Variants in CELSR1 observed in about 807,000 individuals in gnomAD.
CELSR1 encodes adhesion G protein-coupled receptor C1.
Under a neutral mutation model 249.1 loss-of-function variants are expected in CELSR1, and 110 were observed. The observed-to-expected ratio is 0.44, with a 90% CI of 0.38 to 0.52. The LOEUF is 0.52. Ranked by LOEUF, CELSR1 falls within the 20% of genes least tolerant of loss-of-function variation. The probability of loss-of-function intolerance (pLI) is 0.00; values close to 1 mark genes in which losing one functional copy is unlikely to be tolerated. For synonymous variants in CELSR1, 2,113 were observed against 1,900.0 expected, an observed-to-expected ratio of 1.11 and a Z score of -2.92; for missense variants, 4,109 against 4,296.4, an observed-to-expected ratio of 0.96 and a Z score of 1.22.
At position 46,406,714 on chromosome 22, in the gene CELSR1, G is replaced by T. The variant is rs9306513; in HGVS notation, c.5226+2282C>A. 0.065 allele frequency among the ~76,000 whole-genome samples: 9,964 copies of T among 152,256 alleles called. 1,002 individuals are homozygous for T. Among genetic ancestry groups the T allele is most frequent in the African/African-American group, 0.22 (9,093 of 41,502 alleles). ...GTGGCTGTCCCAGGAACCTGGGCAG[G>T]AAAAGAACCATAGGGTCCCTAGTGA... is the stretch of plus-strand genomic sequence containing the variant. On this transcript the variant is annotated intron_variant, in intron 9 of 34. Coordinates refer to ENST00000674500, the MANE Select transcript of CELSR1 (RefSeq NM_001378328.1). The surrounding 1 kb of genome is among the most constrained non-coding windows in gnomAD (Gnocchi z 5.4).
intron 23 of CELSR1, 56 bp downstream of exon 23, chr22:46,378,535 A>C: frequency 6.9e-7 from 1 of 1,457,104 alleles, no homozygotes. Context: ...TTTGGGGGGG[A>C]GGGGCAGGTT....
intron 1 of CELSR1, among the ~76,000 whole-genome samples, chr22:46,515,033 A>G (rs1330637574): frequency 6.6e-6 from 1 of 152,156 alleles, no homozygotes; most frequent in Non-Finnish European, 1.5e-5. Context: ...AGCCCCTTCT[A>G]GAAAGCACCC....
chr22:46,420,038 ACACT>A (rs993971504), intron 5 of CELSR1, among the ~76,000 whole-genome samples: 1 of 150,828 alleles, frequency 6.6e-6, no homozygotes, highest in African/African-American at 2.5e-5. Flanking sequence ...ACCGACACTC[ACACT>A]CAAATGTGCA....
At chr22:46,516,570 C>G (rs1019277490) in intron 1 of CELSR1, among the ~76,000 whole-genome samples, 7 of 152,098 alleles carry the variant, frequency 4.6e-5, no homozygotes, top group African/African-American at 1.7e-4. Context: ...GAACTCCTGG[C>G]CTCAAGCAAG....
rs141243176 is a variant in CELSR1 at position 46,398,994 on chromosome 22, G to A, written c.5413-357C>T. Among the ~76,000 whole-genome samples, 356 of 152,324 alleles carry A rather than the reference G, an allele frequency of 2.3e-3. 2 individuals are homozygous for A. The highest frequency in any genetic ancestry group is 3.5e-3 in the Non-Finnish European group (239 of 68,020). ...GGAAGACTGCAGTGAACGGAAATCCGCTCACTCATTAACACTGTGGGAACC... is the reference window on the plus strand; with the variant it reads ...GGAAGACTGCAGTGAACGGAAATCCACTCACTCATTAACACTGTGGGAACC... On this transcript the variant is annotated intron_variant, in intron 10 of 34. Transcript: ENST00000674500. The surrounding 1 kb of genome is among the most constrained non-coding windows in gnomAD (Gnocchi z 7.2).
intron 2 of CELSR1, among the ~76,000 whole-genome samples, chr22:46,452,932 CCT>C (rs1225878924): frequency 1.3e-5 from 2 of 152,232 alleles, no homozygotes; most frequent in South Asian, 4.1e-4. Context: ...TTGGGCACAG[CCT>C]GGAAACAGCC....
rs1214597983 is a variant in CELSR1 at position 46,484,278 on chromosome 22, C to T, written c.3545-19933G>A. 3.3e-5 allele frequency among the ~76,000 whole-genome samples: 5 copies of T among 152,148 alleles called. No individual in the cohort carries two copies. The highest frequency in any genetic ancestry group is 1.9e-4 in the East Asian group (1 of 5,160). ...CCAGCTGCTCAGTCCCAAGCAAGAC[C>T]GCTGGGAGGGTCCTGCAGGGGACAG... On this transcript the variant is annotated intron_variant, in intron 1 of 34. Coordinates refer to ENST00000674500, the MANE Select transcript of CELSR1 (RefSeq NM_001378328.1). This position sits in a 1 kb window ranked among gnomAD's most constrained non-coding sequence, Gnocchi z 4.5.
chr22:46,426,115 C>T (rs1461729408), intron 5 of CELSR1, among the ~76,000 whole-genome samples: 2 of 90,700 alleles, frequency 2.2e-5, no homozygotes, highest in African/African-American at 8.3e-5. Context: ...CTGAGTGAGG[C>T]AGAGCAGCAA....
rs1473276344 is a variant in CELSR1, at chr22:46,362,710, G to C, written c.*513C>G. The C allele has an allele frequency of 5.8e-6, 1 of 171,276 alleles. No homozygotes were observed. The highest frequency in any genetic ancestry group is 1.3e-5 in the Non-Finnish European group (1 of 78,830). The allele number at this position is 171,276 out of a possible 1,614,324, so 10.6% of individuals were successfully genotyped here. ...CAGAGTCCCATACAAATATATAAAAGTATCTCCACCTTTCCCACATAGCGA... is the reference window on the plus strand; with the variant it reads ...CAGAGTCCCATACAAATATATAAAACTATCTCCACCTTTCCCACATAGCGA... On this transcript the variant is annotated 3_prime_UTR_variant, in exon 35 of 35. Transcript: ENST00000674500.
intron 1 of CELSR1, among the ~76,000 whole-genome samples, chr22:46,467,619 G>A (rs1037603664): frequency 9.9e-5 from 15 of 151,854 alleles, no homozygotes; most frequent in South Asian, 2.1e-4. Context: ...TCAGGAGATC[G>A]AGATCATCCT....
At chr22:46,516,719 C>T (rs2080631796) in intron 1 of CELSR1, among the ~76,000 whole-genome samples, 4 of 152,158 alleles carry the variant, frequency 2.6e-5, no homozygotes, top group African/African-American at 7.2e-5. Flanking sequence ...TGTTATGTGG[C>T]TCCTCCGGCC....
Position 46,448,290 on chromosome 22 carries a change from G to A in CELSR1, c.4184-8879C>T, listed in dbSNP as rs1027869541. Among the ~76,000 whole-genome samples, 14 of 152,194 alleles carry A rather than the reference G, an allele frequency of 9.2e-5. No homozygotes were observed. The highest frequency in any genetic ancestry group is 9.2e-4 in the Admixed American group (14 of 15,282). On this transcript the variant is annotated intron_variant, in intron 2 of 34. Coordinates refer to ENST00000674500, the MANE Select transcript of CELSR1 (RefSeq NM_001378328.1). This position sits in a 1 kb window ranked among gnomAD's most constrained non-coding sequence, Gnocchi z 5.7. Reference sequence around the variant, plus strand: ...AGGGAAGACAGAGGGCATGGGGGTGGGGGCAGAGGGCCCACGCGAGGGGAT... The same window carrying A: ...AGGGAAGACAGAGGGCATGGGGGTGAGGGCAGAGGGCCCACGCGAGGGGAT...
At position 46,441,279 on chromosome 22, in the gene CELSR1, T is replaced by C. The variant is rs1422071725; in HGVS notation, c.4184-1868A>G. On this transcript the variant is annotated intron_variant, in intron 2 of 34. Coordinates refer to ENST00000674500, the MANE Select transcript of CELSR1 (RefSeq NM_001378328.1). The surrounding 1 kb of genome is among the most constrained non-coding windows in gnomAD (Gnocchi z 6.1). ...CATCTTCCTGGAGCCCAGACCTCGCTGGAGTCCCCAGAGTGGGATGGCTCC... is the reference window on the plus strand; with the variant it reads ...CATCTTCCTGGAGCCCAGACCTCGCCGGAGTCCCCAGAGTGGGATGGCTCC... Among the ~76,000 whole-genome samples the C allele has an allele frequency of 1.3e-5, 2 of 152,066 alleles. No individual in the cohort carries two copies. Among genetic ancestry groups the C allele is most frequent in the African/African-American group, 4.8e-5 (2 of 41,402 alleles).
intron 25 of CELSR1, among the ~76,000 whole-genome samples, chr22:46,371,114 G>A (rs866715424): frequency 2.6e-5 from 4 of 152,156 alleles, no homozygotes; most frequent in Non-Finnish European, 5.9e-5. Context: ...AGGAAGTGGC[G>A]GCTGCCACCC....
At position 46,413,114 on chromosome 22, in the gene CELSR1, G is replaced by T. The variant is rs938293474; in HGVS notation, c.4612-1355C>A. On this transcript the variant is annotated intron_variant, in intron 5 of 34. Coordinates refer to ENST00000674500, the MANE Select transcript of CELSR1 (RefSeq NM_001378328.1). This position sits in a 1 kb window ranked among gnomAD's most constrained non-coding sequence, Gnocchi z 4.7. ...ATCTCATGCTTCTTTATAAAACGTG[G>T]AAATAGATCGTTGTAAAAACGTAGA... is the stretch of plus-strand genomic sequence containing the variant. Among the ~76,000 whole-genome samples, 2 of 152,230 alleles carry T rather than the reference G, an allele frequency of 1.3e-5. No individual in the cohort carries two copies. The highest frequency in any genetic ancestry group is 6.5e-5 in the Admixed American group (1 of 15,288).
In CELSR1 at chr22:46,423,966, AAAAC is replaced by A. The variant is rs1471532962; in HGVS notation, c.4611+9423_4611+9426del. On this transcript the variant is annotated intron_variant, in intron 5 of 34. Coordinates refer to ENST00000674500, the MANE Select transcript of CELSR1 (RefSeq NM_001378328.1). The surrounding 1 kb of genome is among the most constrained non-coding windows in gnomAD (Gnocchi z 5.6). The stretch of plus-strand genomic sequence containing the variant: ...GGGTGACAGAGTGAGACTGCATCTC[AAAAC>A]AAACAAAGAAAAAAAACACAAGTTT... Among the ~76,000 whole-genome samples the A allele has an allele frequency of 7.2e-5, 11 of 152,362 alleles. No homozygotes were observed. The highest frequency in any genetic ancestry group is 5.9e-4 in the Admixed American group (9 of 15,312).
rs1344948497 is a variant in CELSR1 at position 46,439,273 on chromosome 22, T to C, written c.4322A>G (p.Glu1441Gly). 1.9e-6 allele frequency: 3 copies of C among 1,613,892 alleles called. No homozygotes were observed. The highest frequency in any genetic ancestry group is 1.7e-5 in the Admixed American group (1 of 60,008). ...GGGCGGGAAGCTCCTGGTGGTCACCTCACAGTAGGGCCTCTCATACTCGCC... is the reference window on the plus strand; with the variant it reads ...GGGCGGGAAGCTCCTGGTGGTCACCCCACAGTAGGGCCTCTCATACTCGCC... ...PPGEYERPYCEVTTRSFPPQS... is the reference protein window; with the variant it reads ...PPGEYERPYCGVTTRSFPPQS... The change falls in exon 3 of 35, where the codon GAG becomes GGG. Residue 1441 changes from glutamate to glycine, a missense_variant. By Grantham distance (98) the Glu-to-Gly change is moderately conservative. Transcript: ENST00000674500.
At position 46,389,484 on chromosome 22, in the gene CELSR1, G is replaced by C; in HGVS notation, c.6361C>G (p.Arg2121Gly). ...DLRAMNEKLS[R>G]NETQVDGARA... The stretch of plus-strand genomic sequence containing the variant: ...GCGCCGTCCACCTGCGTCTCATTGC[G>C]GCTCAGCTTCTCATTCTGGAACAGG... Residue 2121 changes from arginine (R) to glycine (G), a missense_variant, in exon 18 of 35, where the codon CGC becomes GGC. By Grantham distance (125) the Arg-to-Gly change is moderately radical. Coordinates refer to ENST00000674500, the MANE Select transcript of CELSR1 (RefSeq NM_001378328.1). 1.2e-6 allele frequency: 2 copies of C among 1,613,322 alleles called. No homozygotes were observed. Among genetic ancestry groups the C allele is most frequent in the Non-Finnish European group, 1.7e-6 (2 of 1,180,012 alleles).
chr22:46,468,247 G>A lies in CELSR1; in HGVS notation c.3545-3902C>T, dbSNP rs757461514. ...CTAAAAATACAAAAATTAGCTGGGC[G>A]TGGTGGTGCATGCCTGTAATCTTAG... On this transcript the variant is annotated intron_variant, in intron 1 of 34. Coordinates refer to ENST00000674500, the MANE Select transcript of CELSR1 (RefSeq NM_001378328.1). The surrounding 1 kb of genome is among the most constrained non-coding windows in gnomAD (Gnocchi z 4.5). 2.0e-5 allele frequency among the ~76,000 whole-genome samples: 3 copies of A among 151,944 alleles called. No homozygotes were observed. Among genetic ancestry groups the A allele is most frequent in the African/African-American group, 4.8e-5 (2 of 41,366 alleles).
Sources: gnomAD v4.1 joint callset for allele counts (sites outside exome capture counted in the v4.1 genomes callset) on GRCh38, gnomAD v4.1.1 for gene constraint, Gnocchi (gnomAD v3.1) non-coding constraint, MANE v1.5 for transcripts, NCBI Gene and HGNC (gene_info 2026-07-23, HGNC 2026-07-21) for gene names.